Variants in ARSG observed in about 807,000 individuals in gnomAD.
The protein encoded by ARSG is arylsulfatase G.
Under a neutral mutation model 50.5 loss-of-function variants are expected in ARSG, and 37 were observed. The observed-to-expected ratio is 0.73, with a 90% confidence interval of 0.56 to 0.96. The LOEUF is 0.96. Among genes scored for constraint, ARSG ranks in the 50% least tolerant of loss-of-function variants. The probability of loss-of-function intolerance (pLI) is 0.00; values close to 1 mark genes in which losing one functional copy is unlikely to be tolerated. For missense variants in ARSG, 629 were observed against 675.3 expected (o/e 0.93, Z 0.76); for synonymous variants, 225 against 254.6 (o/e 0.88, Z 1.11).
At chr17:68,431,468 A>G in the ARSG span, among the ~76,000 whole-genome samples, 1 of 152,128 alleles carries the variant, frequency 6.6e-6, no homozygotes, top group Non-Finnish European at 1.5e-5. Flanking sequence ...TGGGCTCTGC[A>G]GCAGGTCTGA....
downstream of ARSG, chr17:68,426,250 G>GGGGGGGA: frequency 1.2e-6 from 1 of 828,058 alleles, no homozygotes; most frequent in Non-Finnish European, 1.9e-6. Flanking sequence ...GGTGGGGAGC[G>GGGGGGGA]GGGGCTCAAA....
chr17:68,450,977 G>A, the ARSG span: 1 of 1,515,120 alleles, frequency 6.6e-7, no homozygotes, highest in Non-Finnish European at 8.8e-7. Flanking sequence ...ACTGGGCCCG[G>A]CGCAGGCCAG....
intron 10 of ARSG, among the ~76,000 whole-genome samples, chr17:68,397,881 C>T (rs2081312052): frequency 6.6e-6 from 1 of 152,186 alleles, no homozygotes; most frequent in Admixed American, 6.5e-5. Flanking sequence ...ATTCTCCTGC[C>T]TCAGCCTCCC....
Position 68,420,484 on chromosome 17 carries a change from G to C in ARSG, c.*21G>C. On this transcript the variant is annotated 3_prime_UTR_variant, in exon 12 of 12. Transcript: ENST00000621439. ...CATAACAGACCAATTTTTATTCCAC[G>C]AGGAGGAGTACCTGGAAATTAGGCA... The C allele has an allele frequency of 6.2e-7, 1 of 1,600,726 alleles. No homozygotes were observed. The highest frequency in any genetic ancestry group is 8.5e-7 in the Non-Finnish European group (1 of 1,170,186).
intron 1 of ARSG, among the ~76,000 whole-genome samples, chr17:68,296,655 T>C (rs1485460431): frequency 5.9e-5 from 9 of 152,228 alleles, no homozygotes; most frequent in African/African-American, 2.2e-4. Context: ...TTCCCTCCCA[T>C]GCCCATCGTT....
chr17:68,401,497 CG>C, intron 11 of ARSG, 47 bp downstream of exon 11: 1 of 1,572,160 alleles, frequency 6.4e-7, no homozygotes, highest in African/African-American at 1.3e-5. Context: ...CACAGCTGCA[CG>C]GGGACCCCAT....
At chr17:68,279,732 C>T (rs546892699) in intron 1 of ARSG, among the ~76,000 whole-genome samples, 1 of 152,186 alleles carries the variant, frequency 6.6e-6, no homozygotes, top group African/African-American at 2.4e-5. Flanking sequence ...GGATTGGGCT[C>T]TAGCACATGA....
At chr17:68,358,297 G>A (rs2079124303) in intron 6 of ARSG, among the ~76,000 whole-genome samples, 1 of 152,124 alleles carries the variant, frequency 6.6e-6, no homozygotes, top group Non-Finnish European at 1.5e-5. Flanking sequence ...TGTAATCCCA[G>A]TGCTTTGGGA....
At chr17:68,407,599 T>G (rs1030904766) in intron 11 of ARSG, among the ~76,000 whole-genome samples, 1 of 135,748 alleles carries the variant, frequency 7.4e-6, no homozygotes, top group African/African-American at 2.6e-5. Flanking sequence ...TATTCCTAAG[T>G]TTTTTTTTTT....
At chr17:68,384,563 G>A (rs1034126719) in intron 8 of ARSG, among the ~76,000 whole-genome samples, 18 of 152,162 alleles carry the variant, frequency 1.2e-4, no homozygotes, top group African/African-American at 3.4e-4. Context: ...ATGCCAGATC[G>A]GTTCTTGGAT....
At chr17:68,324,202 C>A (rs2077410101) in intron 2 of ARSG, among the ~76,000 whole-genome samples, 1 of 151,916 alleles carries the variant, frequency 6.6e-6, no homozygotes, top group Non-Finnish European at 1.5e-5. Flanking sequence ...CTAAGGCAAA[C>A]TTCAGATTCT....
chr17:68,300,447 G>A (rs570545651), intron 1 of ARSG, among the ~76,000 whole-genome samples: 1 of 152,168 alleles, frequency 6.6e-6, no homozygotes, highest in African/African-American at 2.4e-5. Context: ...CTTTGTAAAA[G>A]GTTCTTAAAA....
chr17:68,301,957 C>T (rs550380489), intron 1 of ARSG, among the ~76,000 whole-genome samples: 1 of 152,228 alleles, frequency 6.6e-6, no homozygotes, highest in African/African-American at 2.4e-5. Context: ...CATCCCATGC[C>T]TGAGCTCCTT....
At position 68,411,735 on chromosome 17, in the gene ARSG, C is replaced by A. The variant is rs559385920; in HGVS notation, c.1304-8454C>A. ...TGTTGACAGTGGGGTGTTAAAGTCT[C>A]CCATTATTAATGTGTGGGAGTCTAA... is the stretch of plus-strand genomic sequence containing the variant. On this transcript the variant is annotated intron_variant, in intron 11 of 11. Coordinates refer to ENST00000621439, the MANE Select transcript of ARSG (RefSeq NM_001267727.2). Among the ~76,000 whole-genome samples, 3 of 147,780 alleles carry A rather than the reference C, an allele frequency of 2.0e-5. No homozygotes were observed. The South Asian group carries it at 6.6e-4, about 32-fold the overall frequency.
chr17:68,351,583 T>G lies in ARSG; in HGVS notation c.463T>G (p.Tyr155Asp). ...SYHPNFRGFD[Y>D]YFGIPYSHDM... The stretch of plus-strand genomic sequence containing the variant: ...GGTTGCTTCTATTCCAGGTTTTGAT[T>G]ACTACTTTGGAATCCCATATAGCCA... Residue 155 changes from tyrosine to aspartate, a missense_variant, in exon 5 of 12, where the codon TAC becomes GAC. By Grantham distance (160) the Tyr-to-Asp change is radical (BLOSUM62 -3). Transcript: ENST00000621439. The G allele has an allele frequency of 6.2e-7, 1 of 1,609,390 alleles. No homozygotes were observed. The highest frequency in any genetic ancestry group is 8.5e-7 in the Non-Finnish European group (1 of 1,175,820).
At chr17:68,394,927 A>T in intron 9 of ARSG, 146 bp from the exon 10 acceptor site, 1 of 1,169,664 alleles carries the variant, frequency 8.5e-7, no homozygotes, top group South Asian at 1.6e-5. Flanking sequence ...AACTGAAAGG[A>T]AAAACAAGCA....
At chr17:68,393,412 C>G (rs1010259570) in intron 9 of ARSG, among the ~76,000 whole-genome samples, 1 of 152,140 alleles carries the variant, frequency 6.6e-6, no homozygotes, top group Non-Finnish European at 1.5e-5. Context: ...TCTCAGTTAT[C>G]AGATTGATTG....
chr17:68,343,811 G>A lies in ARSG; in HGVS notation c.406+20G>A. 1.3e-6 allele frequency: 2 copies of A among 1,590,498 alleles called. No individual in the cohort carries two copies. The highest frequency in any genetic ancestry group is 1.7e-6 in the Non-Finnish European group (2 of 1,164,854). On this transcript the variant is annotated intron_variant, in intron 3 of 11. Coordinates refer to ENST00000621439, the MANE Select transcript of ARSG (RefSeq NM_001267727.2). Reference sequence around the variant, plus strand: ...TAATAGGTAACTCTGGGCCCCGTCTGCCTGTTGCATTTACTGCAGTGGCAG... The same window carrying A: ...TAATAGGTAACTCTGGGCCCCGTCTACCTGTTGCATTTACTGCAGTGGCAG...
At chr17:68,276,181 C>T (rs1484360253) in intron 1 of ARSG, among the ~76,000 whole-genome samples, 1 of 151,354 alleles carries the variant, frequency 6.6e-6, no homozygotes, top group Non-Finnish European at 1.5e-5. Context: ...GCAACCTCTG[C>T]CTCCCAGGAT....
Sources: allele counts gnomAD v4.1 joint callset (sites outside exome capture counted in the v4.1 genomes callset), GRCh38; gene constraint gnomAD v4.1.1; transcripts MANE v1.5; gene names NCBI Gene and HGNC (gene_info 2026-07-23, HGNC 2026-07-21).